PPFIA2: variants seen among roughly 807,000 people sequenced by gnomAD.
PPFIA2 encodes PPFI scaffold protein A2.
Under a neutral mutation model 175.5 loss-of-function variants are expected in PPFIA2, and 46 were observed. The observed-to-expected ratio is 0.26, with a 90% CI of 0.21 to 0.34. PPFIA2 has a LOEUF of 0.34. Among genes scored for constraint, PPFIA2 ranks in the 10% least tolerant of loss-of-function variants. The pLI is 1.00. For synonymous variants in PPFIA2, 568 were observed against 511.4 expected (o/e 1.11, Z -1.49); for missense variants, 1,179 against 1,506.1 (o/e 0.78, Z 3.60).
At position 81,410,357 on chromosome 12, in the gene PPFIA2, A is replaced by G. The variant is rs1477823394; in HGVS notation, c.646-4454T>C. On this transcript the variant is annotated intron_variant, in intron 7 of 32. Coordinates refer to ENST00000549396, the MANE Select transcript of PPFIA2 (RefSeq NM_003625.5). ...TTAAATTTGGGGTCTACTAAATCAG[A>G]AGTTAATAGCGGGCTGGGATAGGAA... 3.3e-5 allele frequency among the ~76,000 whole-genome samples: 5 copies of G among 152,216 alleles called. No homozygotes were observed. In the South Asian group the frequency reaches 1.0e-3, roughly 32 times the overall value.
chr12:81,432,118 T>TA (rs397727842), intron 7 of PPFIA2, among the ~76,000 whole-genome samples: 50 of 152,010 alleles, frequency 3.3e-4, no homozygotes, highest in African/African-American at 6.5e-4. Flanking sequence ...ATTAGTTTTT[T>TA]AATCATTTTT....
chr12:81,635,075 C>A (rs1168176301), intron 4 of PPFIA2, among the ~76,000 whole-genome samples: 1 of 152,108 alleles, frequency 6.6e-6, no homozygotes, highest in Non-Finnish European at 1.5e-5. Flanking sequence ...ACAATGGGAG[C>A]AACGATGAAA....
intron 21 of PPFIA2, among the ~76,000 whole-genome samples, chr12:81,328,476 AT>A (rs1328835565): frequency 6.6e-6 from 1 of 152,218 alleles, no homozygotes; most frequent in Non-Finnish European, 1.5e-5. Flanking sequence ...AAATGAGATT[AT>A]TGTTTCTATA....
chr12:81,440,085 C>T (rs779524222), intron 6 of PPFIA2, 39 bp from the exon 7 acceptor site: 5 of 1,406,416 alleles, frequency 3.6e-6, no homozygotes, highest in Non-Finnish European at 4.9e-6. Flanking sequence ...AATGTACATC[C>T]CATACATATT....
At position 81,341,088 on chromosome 12, in the gene PPFIA2, C is replaced by A. The variant is rs779436509; in HGVS notation, c.2383G>T (p.Asp795Tyr). The A allele has an allele frequency of 6.2e-7, 1 of 1,610,124 alleles. No individual in the cohort carries two copies. The highest frequency in any genetic ancestry group is 8.5e-7 in the Non-Finnish European group (1 of 1,177,044). Residue 795 changes from aspartate to tyrosine, a missense_variant, in exon 20 of 33, where the codon GAT becomes TAT. Asp to Tyr is a radical substitution (Grantham distance 160). Coordinates refer to ENST00000549396, the MANE Select transcript of PPFIA2 (RefSeq NM_003625.5). ...CCTGCAGAGTCTTACCTTCGAGCAT[C>A]ATTGTGGTAGGAAGAAGGGAGAGTG... Reference protein sequence around the residue: ...THTLPSSYHNDARSSLSVSLE... With the variant: ...THTLPSSYHNYARSSLSVSLE...
chr12:81,317,550 T>C (rs1328115521), intron 22 of PPFIA2, among the ~76,000 whole-genome samples: 2 of 151,352 alleles, frequency 1.3e-5, no homozygotes, highest in Admixed American at 1.3e-4. Context: ...TTGGTAATAG[T>C]ACATGGACGT....
At chr12:81,645,229 G>T (rs2065900792) in intron 4 of PPFIA2, among the ~76,000 whole-genome samples, 1 of 151,388 alleles carries the variant, frequency 6.6e-6, no homozygotes. Flanking sequence ...AGAGAAAGAA[G>T]GAACTTTTAA....
intron 7 of PPFIA2, among the ~76,000 whole-genome samples, chr12:81,417,944 T>C (rs2045600573): frequency 6.6e-6 from 1 of 151,730 alleles, no homozygotes; most frequent in Admixed American, 6.6e-5. Flanking sequence ...ATGGATAGTA[T>C]CATATCTAAA....
At chr12:81,434,277 C>A (rs1387386795) in intron 7 of PPFIA2, among the ~76,000 whole-genome samples, 1 of 151,834 alleles carries the variant, frequency 6.6e-6, no homozygotes, top group South Asian at 2.1e-4. Context: ...ATTATGTTAT[C>A]AGTGTATTAA....
intron 4 of PPFIA2, among the ~76,000 whole-genome samples, chr12:81,539,944 T>C (rs1739669299): frequency 6.6e-6 from 1 of 152,028 alleles, no homozygotes; most frequent in Non-Finnish European, 1.5e-5. Context: ...TTAAATCTGA[T>C]TAAAGAAACT....
At chr12:81,499,598 T>G (rs1340514003) in intron 4 of PPFIA2, among the ~76,000 whole-genome samples, 1 of 152,154 alleles carries the variant, frequency 6.6e-6, no homozygotes, top group Non-Finnish European at 1.5e-5. Context: ...TCAGATCCCA[T>G]TTAAATCTGA....
At chr12:81,480,636 A>G (rs777821009) in intron 4 of PPFIA2, among the ~76,000 whole-genome samples, 3 of 151,864 alleles carry the variant, frequency 2.0e-5, no homozygotes, top group Non-Finnish European at 2.9e-5. Flanking sequence ...CTTCCTTTGT[A>G]TTTGTTAGTT....
At chr12:81,297,506 G>T (rs1258900221) in intron 23 of PPFIA2, among the ~76,000 whole-genome samples, 1 of 152,180 alleles carries the variant, frequency 6.6e-6, no homozygotes, top group African/African-American at 2.4e-5. Context: ...ATGTGTGACT[G>T]TACAGATTAT....
chr12:81,736,646 T>C (rs1264023622), intron 3 of PPFIA2, among the ~76,000 whole-genome samples: 2 of 152,004 alleles, frequency 1.3e-5, no homozygotes, highest in African/African-American at 4.8e-5. Flanking sequence ...AAGGAATATA[T>C]AACAAGACTA....
chr12:81,441,146 A>G (rs1217964406), intron 6 of PPFIA2, among the ~76,000 whole-genome samples: 1 of 151,736 alleles, frequency 6.6e-6, no homozygotes, highest in Non-Finnish European at 1.5e-5. Context: ...TAAAATATGT[A>G]AAAACCCAGA....
At chr12:81,295,076 A>G (rs2046127916) in intron 23 of PPFIA2, 41 bp from the exon 24 acceptor site, 1 of 1,543,836 alleles carries the variant, frequency 6.5e-7, no homozygotes, top group African/African-American at 1.4e-5. Context: ...TTATAATAAT[A>G]GTTATCATTT....
rs2065268452 is a variant in PPFIA2 at position 81,642,707 on chromosome 12, T to TAC, written c.303+34083_303+34084insGT. On this transcript the variant is annotated intron_variant, in intron 4 of 32. Coordinates refer to ENST00000549396, the MANE Select transcript of PPFIA2 (RefSeq NM_003625.5). ...TCTATTATATACATACATGTATATG[T>TAC]ATGTATGTATTATATACATACATGT... Among the ~76,000 whole-genome samples, 2 of 69,852 alleles carry TAC rather than the reference T, an allele frequency of 2.9e-5. 1 individual carries two copies. The highest frequency in any genetic ancestry group is 7.9e-5 in the African/African-American group (2 of 25,408). The allele number at this position is 69,852 out of a possible 152,430, so 45.8% of individuals were successfully genotyped here.
chr12:81,691,731 TA>T (rs1417779126), intron 3 of PPFIA2, among the ~76,000 whole-genome samples: 1 of 152,148 alleles, frequency 6.6e-6, no homozygotes, highest in Non-Finnish European at 1.5e-5. Flanking sequence ...AATAGTTAGC[TA>T]AAAGCAAACT....
At chr12:81,625,365 G>T (rs942468837) in intron 4 of PPFIA2, among the ~76,000 whole-genome samples, 3 of 151,840 alleles carry the variant, frequency 2.0e-5, no homozygotes, top group African/African-American at 7.2e-5. Flanking sequence ...TGTTTGATTT[G>T]CATGGACATG....
Sources: allele counts gnomAD v4.1 joint callset (sites outside exome capture counted in the v4.1 genomes callset), GRCh38; gene constraint gnomAD v4.1.1; transcripts MANE v1.5; gene names NCBI Gene and HGNC (gene_info 2026-07-23, HGNC 2026-07-21).